The following AKAP6 variants were observed in gnomAD, a reference collection of about 807,000 sequenced individuals.
The protein encoded by AKAP6 is A-kinase anchor protein 6.
In AKAP6, 58 loss-of-function variants were observed where a neutral mutation model predicts 188.5. That is an observed-to-expected ratio of 0.31 (90% confidence interval 0.25 to 0.38). The LOEUF (loss-of-function observed/expected upper bound fraction) is 0.38. Ranked by LOEUF, AKAP6 falls within the 10% of genes least tolerant of loss-of-function variation. The pLI is 1.00. For synonymous variants in AKAP6, 989 were observed against 998.6 expected (o/e 0.99, Z 0.18); for missense variants, 2,710 against 2,740.0 (o/e 0.99, Z 0.24).
At chr14:32,807,792 C>T (rs1192493361) in intron 12 of AKAP6, among the ~76,000 whole-genome samples, 1 of 152,202 alleles carries the variant, frequency 6.6e-6, no homozygotes, top group African/African-American at 2.4e-5. Context: ...CACCAACTCC[C>T]TTGAACCTTC....
intron 4 of AKAP6, among the ~76,000 whole-genome samples, chr14:32,561,986 T>C (rs1883977863): frequency 6.6e-6 from 1 of 152,184 alleles, no homozygotes; most frequent in South Asian, 2.1e-4. Flanking sequence ...TCAGGCCCTG[T>C]CTGAGGTTAT....
At chr14:32,767,499 A>C (rs1174616455) in intron 11 of AKAP6, among the ~76,000 whole-genome samples, 1 of 152,130 alleles carries the variant, frequency 6.6e-6, no homozygotes, top group African/African-American at 2.4e-5. Context: ...GCTCACTGCT[A>C]TATCCCCACC....
At chr14:32,736,354 T>G (rs2031423307) in intron 11 of AKAP6, among the ~76,000 whole-genome samples, 1 of 152,184 alleles carries the variant, frequency 6.6e-6, no homozygotes, top group South Asian at 2.1e-4. Context: ...GAAGAAATAA[T>G]GTAAAACAAG....
intron 3 of AKAP6, among the ~76,000 whole-genome samples, chr14:32,544,265 T>C (rs1161559663): frequency 6.6e-6 from 1 of 152,190 alleles, no homozygotes; most frequent in African/African-American, 2.4e-5. Context: ...GGGGCTAGGT[T>C]AGATCAGTCT....
intron 1 of AKAP6, among the ~76,000 whole-genome samples, chr14:32,372,770 CTG>C (rs3031400): frequency 0.27 from 40,110 of 147,272 alleles, 5,786 homozygotes; most frequent in Admixed American, 0.36. Flanking sequence ...TTTTGTTGCT[CTG>C]TGTGTGTGTG....
Position 32,332,681 on chromosome 14 carries a change from G to C in AKAP6, c.-35+3273G>C, listed in dbSNP as rs182817656. Among the ~76,000 whole-genome samples the C allele has an allele frequency of 1.6e-4, 24 of 152,176 alleles. No individual in the cohort carries two copies. In the East Asian group the frequency reaches 4.4e-3, roughly 28 times the overall value. On this transcript the variant is annotated intron_variant, in intron 1 of 13. Coordinates refer to ENST00000280979, the MANE Select transcript of AKAP6 (RefSeq NM_004274.5). ...CTTTAAGATGTTTGTATTCCCTGCT[G>C]TTGCACCAGGTTCTGTTCTCAACCT...
At chr14:32,587,821 A>G (rs1226953222) in intron 5 of AKAP6, among the ~76,000 whole-genome samples, 2 of 152,274 alleles carry the variant, frequency 1.3e-5, no homozygotes, top group South Asian at 2.1e-4. Flanking sequence ...GAGCTTCTCT[A>G]TCTGTATATG....
At chr14:32,730,103 T>G (rs766375717) in intron 9 of AKAP6, among the ~76,000 whole-genome samples, 14 of 152,304 alleles carry the variant, frequency 9.2e-5, no homozygotes, top group South Asian at 4.1e-4. Flanking sequence ...ACATACAGCT[T>G]GAGCCCCTAA....
intron 7 of AKAP6, among the ~76,000 whole-genome samples, chr14:32,676,139 A>C (rs971971905): frequency 6.6e-6 from 1 of 152,168 alleles, no homozygotes; most frequent in Non-Finnish European, 1.5e-5. Context: ...TGGAATACTT[A>C]GTGTGGGTAT....
intron 7 of AKAP6, among the ~76,000 whole-genome samples, chr14:32,628,365 A>G (rs1887111456): frequency 6.6e-6 from 1 of 151,920 alleles, no homozygotes; most frequent in South Asian, 2.1e-4. Context: ...TCGGGCACCA[A>G]GAAGTAATGA....
chr14:32,703,191 G>T (rs562212964), intron 9 of AKAP6, among the ~76,000 whole-genome samples: 2 of 152,106 alleles, frequency 1.3e-5, no homozygotes, highest in African/African-American at 2.4e-5. Context: ...GCGGGGAGAG[G>T]GGGGCTTGGA....
chr14:32,674,629 T>TAA (rs1297505966), intron 7 of AKAP6, among the ~76,000 whole-genome samples: 1 of 152,146 alleles, frequency 6.6e-6, no homozygotes, highest in East Asian at 1.9e-4. Context: ...TTTAAAGGCC[T>TAA]AAGTACAGAA....
intron 2 of AKAP6, among the ~76,000 whole-genome samples, chr14:32,459,274 AC>A (rs1360359428): frequency 6.8e-6 from 1 of 147,642 alleles, no homozygotes; most frequent in Admixed American, 6.8e-5. Context: ...GCATGAGATA[AC>A]TTTTTGGGGC....
chr14:32,517,691 G>A (rs1041275351), intron 2 of AKAP6, among the ~76,000 whole-genome samples: 3 of 152,238 alleles, frequency 2.0e-5, no homozygotes, highest in African/African-American at 7.2e-5. Context: ...AAACAAAGCA[G>A]CCTGGAAGCT....
rs1205419784 is a variant in AKAP6, at chr14:32,546,324, T to C, written c.1671T>C (p.Cys557=). 1 of 1,614,058 alleles carries C rather than the reference T, an allele frequency of 6.2e-7. No homozygotes were observed. The highest frequency in any genetic ancestry group is 8.5e-7 in the Non-Finnish European group (1 of 1,180,024). ...CTTCCACATCCTCACTTGAGCCTTG[T>C]AATCAGAGAAGTTGGAATGCCAAAT... is the stretch of plus-strand genomic sequence containing the variant. ...NSASTSSLEP[C]NQRSWNAKLQ... is the part of the protein sequence containing the mutation. The change falls in exon 4 of 14, where the codon TGT becomes TGC. Residue 557 remains cysteine, a synonymous_variant. Transcript: ENST00000280979.
chr14:32,704,575 G>A (rs1186074624), intron 9 of AKAP6, among the ~76,000 whole-genome samples: 2 of 152,170 alleles, frequency 1.3e-5, no homozygotes, highest in East Asian at 3.9e-4. Flanking sequence ...CTTATCTTTA[G>A]TGGTTATATT....
chr14:32,671,223 G>A (rs558631261), intron 7 of AKAP6, among the ~76,000 whole-genome samples: 7 of 152,198 alleles, frequency 4.6e-5, no homozygotes, highest in East Asian at 1.9e-4. Flanking sequence ...CTGAGCTGTC[G>A]TGCAAACACA....
intron 1 of AKAP6, among the ~76,000 whole-genome samples, chr14:32,344,214 G>A (rs778583302): frequency 6.6e-6 from 1 of 152,220 alleles, no homozygotes; most frequent in Non-Finnish European, 1.5e-5. Context: ...CATCCATACA[G>A]TGTTGTCATC....
intron 7 of AKAP6, among the ~76,000 whole-genome samples, chr14:32,659,762 C>G (rs1021574172): frequency 6.6e-6 from 1 of 151,918 alleles, no homozygotes; most frequent in Non-Finnish European, 1.5e-5. Context: ...TAAGTATATA[C>G]AAATAGATTA....
Sources: gnomAD v4.1 joint callset for allele counts (sites outside exome capture counted in the v4.1 genomes callset) on GRCh38, gnomAD v4.1.1 for gene constraint, MANE v1.5 for transcripts, NCBI Gene and HGNC (gene_info 2026-07-23, HGNC 2026-07-21) for gene names.